PITPNC1: variants seen among roughly 807,000 people sequenced by gnomAD.
PITPNC1 encodes the protein cytoplasmic phosphatidylinositol transfer protein 1.
In PITPNC1, 18 loss-of-function variants were observed where a neutral mutation model predicts 44.7. The ratio of observed to expected loss-of-function variants is 0.40; its 90% confidence interval spans 0.28 to 0.60. The LOEUF is 0.60. Among genes scored for constraint, PITPNC1 ranks in the 20% least tolerant of loss-of-function variants. The pLI is 0.39. For synonymous variants in PITPNC1, 141 were observed against 149.6 expected (o/e 0.94, Z 0.42); for missense variants, 290 against 418.4 (o/e 0.69, Z 2.68).
At chr17:67,575,990 C>T (rs761635750) in intron 4 of PITPNC1, among the ~76,000 whole-genome samples, 10 of 147,110 alleles carry the variant, frequency 6.8e-5, no homozygotes, top group Admixed American at 2.1e-4. Context: ...GATTCTCGTG[C>T]CTCAGCCTCC....
chr17:67,381,656 C>T (rs906537174), intron 1 of PITPNC1, among the ~76,000 whole-genome samples: 1 of 151,754 alleles, frequency 6.6e-6, no homozygotes, highest in Non-Finnish European at 1.5e-5. Flanking sequence ...TTAGTAGAGA[C>T]GGGGTTTCAC....
At chr17:67,393,443 C>T (rs1214071030) in intron 1 of PITPNC1, among the ~76,000 whole-genome samples, 11 of 151,688 alleles carry the variant, frequency 7.3e-5, no homozygotes, top group Admixed American at 5.3e-4. Flanking sequence ...TATCATTAAA[C>T]TCATTCATCG....
At chr17:67,524,246 C>T (rs1174307041) in intron 1 of PITPNC1, among the ~76,000 whole-genome samples, 1 of 152,066 alleles carries the variant, frequency 6.6e-6, no homozygotes, top group African/African-American at 2.4e-5. Flanking sequence ...AATTTGAGGC[C>T]AGCCTGGGCA....
At chr17:67,478,763 G>A (rs1174378659) in intron 1 of PITPNC1, among the ~76,000 whole-genome samples, 5 of 152,102 alleles carry the variant, frequency 3.3e-5, no homozygotes, top group African/African-American at 9.6e-5. Context: ...AGACTGGAGC[G>A]CTAATTATAC....
At chr17:67,528,593 A>T (rs1259432349) in intron 1 of PITPNC1, among the ~76,000 whole-genome samples, 1 of 152,198 alleles carries the variant, frequency 6.6e-6, no homozygotes, top group Non-Finnish European at 1.5e-5. Flanking sequence ...GCTTTGTAAG[A>T]AATCAGTATA....
chr17:67,482,281 C>G (rs1203701832), intron 1 of PITPNC1, among the ~76,000 whole-genome samples: 1 of 151,974 alleles, frequency 6.6e-6, no homozygotes, highest in Non-Finnish European at 1.5e-5. Context: ...GGTTTTAAAG[C>G]TTTTTAATAT....
intron 1 of PITPNC1, among the ~76,000 whole-genome samples, chr17:67,522,058 C>T (rs184082106): frequency 2.0e-5 from 3 of 152,220 alleles, no homozygotes; most frequent in Non-Finnish European, 2.9e-5. Context: ...AATCCCAGTA[C>T]TTTGGAAGGC....
chr17:67,545,106 G>T (rs1313600144), intron 2 of PITPNC1, among the ~76,000 whole-genome samples: 2 of 152,012 alleles, frequency 1.3e-5, no homozygotes, highest in Admixed American at 6.6e-5. Flanking sequence ...GAGGCCAGGA[G>T]TTCGAGACAA....
At chr17:67,578,100 T>A in intron 4 of PITPNC1, 86 bp from the exon 5 acceptor site, 1 of 897,364 alleles carries the variant, frequency 1.1e-6, no homozygotes, top group Non-Finnish European at 1.8e-6. Context: ...TGCAACCAAA[T>A]GGCCAGGAAA....
At chr17:67,472,350 A>AAG (rs2039550938) in intron 1 of PITPNC1, among the ~76,000 whole-genome samples, 1 of 147,820 alleles carries the variant, frequency 6.8e-6, no homozygotes, top group Admixed American at 6.7e-5. Context: ...AAAAAAAAAA[A>AAG]AAAAAAAAAA....
intron 5 of PITPNC1, among the ~76,000 whole-genome samples, chr17:67,610,879 C>T (rs1464543186): frequency 6.6e-6 from 1 of 150,420 alleles, no homozygotes; most frequent in Non-Finnish European, 1.5e-5. Flanking sequence ...CGAGATTGCG[C>T]CACTGCACTC....
At chr17:67,579,634 T>C (rs2041200231) in intron 5 of PITPNC1, among the ~76,000 whole-genome samples, 3 of 147,320 alleles carry the variant, frequency 2.0e-5, no homozygotes, top group African/African-American at 2.5e-5. Flanking sequence ...TTTTTTTTTT[T>C]TTTTTTTTCT....
chr17:67,660,462 G>A (rs1328186156), intron 6 of PITPNC1, among the ~76,000 whole-genome samples: 1 of 151,886 alleles, frequency 6.6e-6, no homozygotes, highest in South Asian at 2.1e-4. Flanking sequence ...CACTTGCTAC[G>A]GGCCAGGCCC....
chr17:67,666,739 G>T (rs906817495), intron 6 of PITPNC1, among the ~76,000 whole-genome samples: 1 of 152,196 alleles, frequency 6.6e-6, no homozygotes, highest in Non-Finnish European at 1.5e-5. Context: ...GGCCCTGGGA[G>T]TGCACTGTGT....
chr17:67,650,339 T>A (rs2042195769), intron 6 of PITPNC1, among the ~76,000 whole-genome samples: 1 of 151,988 alleles, frequency 6.6e-6, no homozygotes, highest in Non-Finnish European at 1.5e-5. Context: ...TTTCCCAGCT[T>A]CCTTCCTTGA....
intron 5 of PITPNC1, among the ~76,000 whole-genome samples, chr17:67,584,080 G>T (rs565075104): frequency 2.0e-5 from 3 of 152,010 alleles, no homozygotes; most frequent in Non-Finnish European, 2.9e-5. Flanking sequence ...AATCTAAGGG[G>T]CAACAAGACT....
chr17:67,675,411 A>G, intron 7 of PITPNC1, 68 bp from the exon 8 acceptor site: 1 of 1,092,440 alleles, frequency 9.2e-7, no homozygotes, highest in Non-Finnish European at 1.4e-6. Flanking sequence ...AGAATTGTTA[A>G]CAACTTGTCT....
At chr17:67,551,634 T>C (rs1354229158) in intron 2 of PITPNC1, among the ~76,000 whole-genome samples, 1 of 152,240 alleles carries the variant, frequency 6.6e-6, no homozygotes, top group Non-Finnish European at 1.5e-5. Flanking sequence ...TGATTTCATC[T>C]TGTGATCTTT....
At chr17:67,431,181 C>G (rs1362525870) in intron 1 of PITPNC1, among the ~76,000 whole-genome samples, 1 of 151,332 alleles carries the variant, frequency 6.6e-6, no homozygotes, top group Non-Finnish European at 1.5e-5. Flanking sequence ...GCTTCAGCCT[C>G]CCGAGTAGCT....
Sources: gnomAD v4.1 joint callset for allele counts (sites outside exome capture counted in the v4.1 genomes callset) on GRCh38, gnomAD v4.1.1 for gene constraint, MANE v1.5 for transcripts, NCBI Gene and HGNC (gene_info 2026-07-23, HGNC 2026-07-21) for gene names.